The following NF2 variants were observed in gnomAD, a reference collection of about 807,000 sequenced individuals.
NF2 encodes the protein NF2, moesin-ezrin-radixin like (MERLIN) tumor suppressor.
Under a neutral mutation model 83.7 loss-of-function variants are expected in NF2, and 8 were observed. That is an observed-to-expected ratio of 0.10 (90% confidence interval 0.06 to 0.17). The LOEUF is 0.17. Among genes scored for constraint, NF2 ranks in the 10% least tolerant of loss-of-function variants. NF2 has a pLI of 1.00. For synonymous variants in NF2, 266 were observed against 269.6 expected, an observed-to-expected ratio of 0.99 and a Z score of 0.13; for missense variants, 533 against 744.4, an observed-to-expected ratio of 0.72 and a Z score of 3.31.
At chr22:29,661,389 G>GC (rs1360564292) in intron 8 of NF2, 50 bp downstream of exon 8, 1 of 1,609,236 alleles carries the variant, frequency 6.2e-7, no homozygotes, top group Non-Finnish European at 8.5e-7. Flanking sequence ...TTCCCTGTCT[G>GC]CCCCCCTCAC....
rs56407600 is a variant in NF2 at position 29,648,131 on chromosome 22, AAAATAAAT to A, written c.447+5874_447+5881del. On this transcript the variant is annotated intron_variant, in intron 4 of 15. Transcript: ENST00000338641. Reference sequence around the variant, plus strand: ...GGACGACAGAGTGAGACTCCATCTCAAAATAAATAAATAAATAAATAAATAAATAAATA... The same window carrying A: ...GGACGACAGAGTGAGACTCCATCTCAAAATAAATAAATAAATAAATAAATA... 5.4e-3 allele frequency among the ~76,000 whole-genome samples: 787 copies of A among 145,342 alleles called. 5 individuals are homozygous for A. Among genetic ancestry groups the A allele is most frequent in the Non-Finnish European group, 7.1e-3 (473 of 66,724 alleles).
At chr22:29,690,810 T>C (rs1418720891) in intron 15 of NF2, among the ~76,000 whole-genome samples, 1 of 152,220 alleles carries the variant, frequency 6.6e-6, no homozygotes, top group African/African-American at 2.4e-5. Flanking sequence ...TGTAGGCATC[T>C]TCAGGGAACT....
At chr22:29,616,584 AT>A (rs747958066) in intron 1 of NF2, among the ~76,000 whole-genome samples, 1 of 152,122 alleles carries the variant, frequency 6.6e-6, no homozygotes, top group Non-Finnish European at 1.5e-5. Flanking sequence ...TCTACTGAAA[AT>A]AGAAAAATTA....
rs199657618 is a variant in NF2, at chr22:29,636,290, CTT to C, written c.115-460_115-459del. Among the ~76,000 whole-genome samples the C allele has an allele frequency of 8.7e-3, 1,322 of 151,974 alleles. 15 individuals carry two copies. Among genetic ancestry groups the C allele is most frequent in the African/African-American group, 0.03 (1,263 of 41,442 alleles). ...ATGATTTCTTTATATTAAAAAAAAACTTGTAGTAAAACCAGTCTTATTTAAAG... is the reference window on the plus strand; with the variant it reads ...ATGATTTCTTTATATTAAAAAAAAACGTAGTAAAACCAGTCTTATTTAAAG... On this transcript the variant is annotated intron_variant, in intron 1 of 15. Transcript: ENST00000338641. This position sits in a 1 kb window ranked among gnomAD's most constrained non-coding sequence, Gnocchi z 4.4.
At chr22:29,644,605 C>G (rs1317044012) in intron 4 of NF2, among the ~76,000 whole-genome samples, 1 of 152,086 alleles carries the variant, frequency 6.6e-6, no homozygotes, top group African/African-American at 2.4e-5. Flanking sequence ...GCCGAGATCA[C>G]GCCACTGCAC....
intron 10 of NF2, among the ~76,000 whole-genome samples, chr22:29,671,339 G>A (rs1219357885): frequency 6.6e-6 from 1 of 152,174 alleles, no homozygotes; most frequent in Admixed American, 6.5e-5. Context: ...GACCAGCCTG[G>A]CCAATATGGT....
chr22:29,632,461 G>T (rs1028983906), intron 1 of NF2, among the ~76,000 whole-genome samples: 7 of 152,194 alleles, frequency 4.6e-5, no homozygotes, highest in Non-Finnish European at 8.8e-5. Context: ...ACTCACAAGT[G>T]TTATAGTGCT....
At chr22:29,683,532 AG>A in intron 15 of NF2, 3 of 1,121,604 alleles carry the variant, frequency 2.7e-6, no homozygotes, top group Non-Finnish European at 3.3e-6. Flanking sequence ...AGCTTCTGGT[AG>A]TGGGGCAAAA....
At chr22:29,671,379 A>C (rs2066779794) in intron 10 of NF2, among the ~76,000 whole-genome samples, 1 of 152,108 alleles carries the variant, frequency 6.6e-6, no homozygotes, top group African/African-American at 2.4e-5. Flanking sequence ...AAATACAAAA[A>C]TTAGCCAGGC....
rs1332350991 is a variant in NF2 at position 29,697,087 on chromosome 22, G to T, written c.*2285G>T. 5.1e-6 allele frequency: 1 copy of T among 196,396 alleles called. No homozygotes were observed. Among genetic ancestry groups the T allele is most frequent in the African/African-American group, 2.3e-5 (1 of 43,210 alleles). 12.2% of individuals were successfully genotyped at this position (196,396 alleles called of 1,614,324 possible). A position where few individuals can be genotyped will look rare whatever the true frequency, so the allele number is the denominator to read the frequency against. Reference sequence around the variant, plus strand: ...CCACCCCGGCTTCCCAAAGTTCTGGGATTATAGGCGTGAGCCACCATGCCC... The same window carrying T: ...CCACCCCGGCTTCCCAAAGTTCTGGTATTATAGGCGTGAGCCACCATGCCC... On this transcript the variant is annotated 3_prime_UTR_variant, in exon 16 of 16. Transcript: ENST00000338641.
intron 1 of NF2, among the ~76,000 whole-genome samples, chr22:29,624,324 C>T (rs2065287609): frequency 6.6e-6 from 1 of 152,208 alleles, no homozygotes; most frequent in Non-Finnish European, 1.5e-5. Flanking sequence ...TCTCGTGCCT[C>T]AGCCTCCTGA....
In NF2 at chr22:29,619,858, T is replaced by C. The variant is rs558803990; in HGVS notation, c.114+15746T>C. 5.9e-5 allele frequency among the ~76,000 whole-genome samples: 9 copies of C among 152,304 alleles called. No individual in the cohort carries two copies. In the South Asian group the frequency reaches 1.9e-3, roughly 32 times the overall value. ...CACTGGACCCCATTCTGCCTTTGTG[T>C]GGGACAAAGGGCTAGGGACTAGCAG... On this transcript the variant is annotated intron_variant, in intron 1 of 15. Coordinates refer to ENST00000338641, the MANE Select transcript of NF2 (RefSeq NM_000268.4).
At chr22:29,627,726 T>C (rs1349071533) in intron 1 of NF2, among the ~76,000 whole-genome samples, 7 of 152,182 alleles carry the variant, frequency 4.6e-5, no homozygotes, top group Admixed American at 4.6e-4. Flanking sequence ...CCTAAAAAAC[T>C]GTAATTCATT....
At chr22:29,663,545 G>C (rs997548703) in intron 8 of NF2, among the ~76,000 whole-genome samples, 1 of 152,236 alleles carries the variant, frequency 6.6e-6, no homozygotes, top group African/African-American at 2.4e-5. Context: ...TGCAGAGCCT[G>C]CGGTTTCCCC....
intron 8 of NF2, 29 bp from the exon 9 acceptor site, chr22:29,664,961 T>G: frequency 1.3e-6 from 2 of 1,538,030 alleles, no homozygotes; most frequent in Non-Finnish European, 1.8e-6. Flanking sequence ...GCTGTCGGAC[T>G]GAAACTGTGT....
intron 6 of NF2, among the ~76,000 whole-genome samples, chr22:29,657,336 A>G (rs1044405610): frequency 6.6e-6 from 1 of 152,214 alleles, no homozygotes; most frequent in East Asian, 1.9e-4. Flanking sequence ...CCACTGTATT[A>G]GTATATTAAA....
intron 1 of NF2, among the ~76,000 whole-genome samples, chr22:29,614,309 G>T (rs2146721432): frequency 4.0e-5 from 6 of 151,162 alleles, no homozygotes. Flanking sequence ...CGGGTGCGGT[G>T]GCTCAACACC....
At chr22:29,641,832 G>C (rs1480811066) in intron 3 of NF2, among the ~76,000 whole-genome samples, 1 of 152,104 alleles carries the variant, frequency 6.6e-6, no homozygotes, top group Non-Finnish European at 1.5e-5. Context: ...CATTTCCTCT[G>C]GGGCCATGCA....
chr22:29,672,068 C>T (rs2066810229), intron 11 of NF2, 120 bp downstream of exon 11: 2 of 1,452,582 alleles, frequency 1.4e-6, no homozygotes, highest in Non-Finnish European at 1.9e-6. Context: ...TTAATTTCAG[C>T]TTTGAAAAAA....
Sources: allele counts gnomAD v4.1 joint callset (sites outside exome capture counted in the v4.1 genomes callset), GRCh38; gene constraint gnomAD v4.1.1; non-coding constraint Gnocchi (gnomAD v3.1); transcripts MANE v1.5; gene names NCBI Gene and HGNC (gene_info 2026-07-23, HGNC 2026-07-21).